Variants in HEBP1 observed in about 807,000 individuals in gnomAD.
HEBP1 encodes heme-binding protein 1.
In HEBP1, 13 loss-of-function variants were observed where a neutral mutation model predicts 20.4. The observed-to-expected ratio is 0.64, with a 90% CI of 0.42 to 1.01. HEBP1 has a LOEUF of 1.01. HEBP1 is among the 50% of genes least tolerant of loss of function. The probability of loss-of-function intolerance (pLI) is 0.00; values close to 1 mark genes in which losing one functional copy is unlikely to be tolerated. For missense variants in HEBP1, 241 were observed against 247.3 expected (o/e 0.97, Z 0.17); for synonymous variants, 92 against 90.7 (o/e 1.01, Z -0.08).
At chr12:12,994,661 T>C (rs1235522011) in intron 1 of HEBP1, among the ~76,000 whole-genome samples, 1 of 152,118 alleles carries the variant, frequency 6.6e-6, no homozygotes, top group African/African-American at 2.4e-5. Flanking sequence ...TCCTGAGTGA[T>C]CCCTCCTTTC....
At position 12,996,826 on chromosome 12, in the gene HEBP1, C is replaced by T. The variant is rs1446073928; in HGVS notation, c.78+3211G>A. Among the ~76,000 whole-genome samples, 1 of 152,096 alleles carries T rather than the reference C, an allele frequency of 6.6e-6. No individual in the cohort carries two copies. Among genetic ancestry groups the T allele is most frequent in the Non-Finnish European group, 1.5e-5 (1 of 68,020 alleles). On this transcript the variant is annotated intron_variant, in intron 1 of 3. Transcript: ENST00000014930. This position sits in a 1 kb window ranked among gnomAD's most constrained non-coding sequence, Gnocchi z 4.1. ...ATTACCATCTCCAACCAAGTACTAA[C>T]ATTGAACAGTTTTATAATTGGTTAT...
intron 3 of HEBP1, chr12:12,985,523 C>T (rs1456132122): frequency 6.6e-6 from 1 of 152,006 alleles, no homozygotes; most frequent in East Asian, 1.9e-4. Flanking sequence ...ACTCATTACT[C>T]AGGGTCTGGT....
intron 3 of HEBP1, among the ~76,000 whole-genome samples, chr12:12,983,167 C>T (rs1864107713): frequency 6.6e-6 from 1 of 152,204 alleles, no homozygotes; most frequent in Non-Finnish European, 1.5e-5. Flanking sequence ...ACTTCTCCTG[C>T]TGTTGGTCCC....
Position 13,000,247 on chromosome 12 carries a change from A to G in HEBP1, c.-133T>C, listed in dbSNP as rs1274203234. On this transcript the variant is annotated 5_prime_UTR_variant, in exon 1 of 4. Transcript: ENST00000014930. The stretch of plus-strand genomic sequence containing the variant: ...CAGGGCGGCAGGGTGGCAGGGCGGC[A>G]AGGCGGCGGGACGGCGAGGCGGCGA... 4 of 366,096 alleles carry G rather than the reference A, an allele frequency of 1.1e-5. No homozygotes were observed. Among genetic ancestry groups the G allele is most frequent in the Admixed American group, 9.6e-5 (2 of 20,896 alleles). 22.7% of individuals were successfully genotyped at this position (366,096 alleles called of 1,614,324 possible).
chr12:12,995,484 A>G (rs1178344877), intron 1 of HEBP1, among the ~76,000 whole-genome samples: 2 of 152,222 alleles, frequency 1.3e-5, no homozygotes, highest in African/African-American at 2.4e-5. Flanking sequence ...ATAGATGGGC[A>G]GAGAGATGAG....
At chr12:12,995,438 A>G (rs894765072) in intron 1 of HEBP1, among the ~76,000 whole-genome samples, 6 of 152,100 alleles carry the variant, frequency 3.9e-5, no homozygotes, top group Non-Finnish European at 8.8e-5. Context: ...AGTAAAACCT[A>G]GTTTTACTCT....
intron 1 of HEBP1, among the ~76,000 whole-genome samples, chr12:12,990,116 G>GCACACACACACA: frequency 6.7e-6 from 1 of 149,614 alleles, no homozygotes; most frequent in African/African-American, 2.5e-5. Context: ...TACTCTCTGT[G>GCACACACACACA]CACACACACA....
chr12:12,990,025 A>G (rs576778353), intron 1 of HEBP1, among the ~76,000 whole-genome samples: 26 of 152,238 alleles, frequency 1.7e-4, no homozygotes, highest in Non-Finnish European at 2.2e-4. Flanking sequence ...TATAACCCAC[A>G]CACATCCTCA....
In HEBP1 at chr12:12,977,861, TG is replaced by T. The variant is rs1864012978; in HGVS notation, c.399-2383del. On this transcript the variant is annotated intron_variant, in intron 3 of 3. Transcript: ENST00000014930. ...CTCTGATAGAATATAGGCTGCACAA[TG>T]GCAGGATTTTTGTTATTTTTTGGTC... is the stretch of plus-strand genomic sequence containing the variant. Among the ~76,000 whole-genome samples, 3 of 152,214 alleles carry T rather than the reference TG, an allele frequency of 2.0e-5. No individual in the cohort carries two copies. The South Asian group carries it at 6.2e-4, about 32-fold the overall frequency.
At chr12:12,991,746 T>C (rs1352397394) in intron 1 of HEBP1, among the ~76,000 whole-genome samples, 1 of 152,254 alleles carries the variant, frequency 6.6e-6, no homozygotes, top group Non-Finnish European at 1.5e-5. Context: ...TTTACCCTTA[T>C]GGATGAGATG....
At chr12:12,989,824 TACA>T (rs1259683695) in intron 1 of HEBP1, among the ~76,000 whole-genome samples, 1 of 151,908 alleles carries the variant, frequency 6.6e-6, no homozygotes, top group Non-Finnish European at 1.5e-5. Context: ...AAACAAAAAA[TACA>T]ACGATGACAA....
At chr12:12,991,214 C>T (rs183280755) in intron 1 of HEBP1, among the ~76,000 whole-genome samples, 4 of 152,310 alleles carry the variant, frequency 2.6e-5, no homozygotes, top group African/African-American at 7.2e-5. Context: ...CACGCCTGGC[C>T]TCTGCTGTTG....
intron 3 of HEBP1, 61 bp downstream of exon 3, chr12:12,987,091 T>G: frequency 2.2e-6 from 3 of 1,384,080 alleles, no homozygotes; most frequent in Non-Finnish European, 3.0e-6. Context: ...CCAGAGGTGA[T>G]GCAAGGAGTG....
intron 1 of HEBP1, among the ~76,000 whole-genome samples, chr12:12,995,826 C>T (rs1864282300): frequency 6.6e-6 from 1 of 152,198 alleles, no homozygotes; most frequent in Non-Finnish European, 1.5e-5. Context: ...CACCCCATCT[C>T]CATTAGTCTA....
chr12:12,984,399 C>A (rs1002397591), intron 3 of HEBP1: 1 of 152,244 alleles, frequency 6.6e-6, no homozygotes, highest in African/African-American at 2.4e-5. Flanking sequence ...GAAGTAAACA[C>A]CACCACGTAG....
intron 3 of HEBP1, among the ~76,000 whole-genome samples, chr12:12,978,376 T>G (rs1864027588): frequency 6.6e-6 from 1 of 151,858 alleles, no homozygotes; most frequent in South Asian, 2.1e-4. Flanking sequence ...CTAATTTTTG[T>G]ATTTTTAGTA....
intron 3 of HEBP1, chr12:12,977,577 C>G (rs567302534): frequency 1.1e-4 from 17 of 152,254 alleles, no homozygotes; most frequent in African/African-American, 4.1e-4. Flanking sequence ...ATAGTGAGAT[C>G]CTGTCTCCAA....
At chr12:12,987,612 T>TTCTCTCTC (rs71064360) in intron 2 of HEBP1, among the ~76,000 whole-genome samples, 10 of 117,786 alleles carry the variant, frequency 8.5e-5, no homozygotes, top group African/African-American at 3.1e-4. Flanking sequence ...CTCTCTCTCT[T>TTCTCTCTC]TCTCTCTCTC....
chr12:12,999,941 C>T, intron 1 of HEBP1, 96 bp downstream of exon 1: 2 of 729,602 alleles, frequency 2.7e-6, no homozygotes, highest in Middle Eastern at 2.4e-4. Flanking sequence ...TAGCACATTC[C>T]TGCCCCACCT....
Sources: gnomAD v4.1 joint callset for allele counts (sites outside exome capture counted in the v4.1 genomes callset) on GRCh38, gnomAD v4.1.1 for gene constraint, Gnocchi (gnomAD v3.1) non-coding constraint, MANE v1.5 for transcripts, NCBI Gene and HGNC (gene_info 2026-07-23, HGNC 2026-07-21) for gene names.